CSMD1: variants seen among roughly 807,000 people sequenced by gnomAD.
CSMD1 encodes the protein CUB and sushi domain-containing protein 1.
Under a neutral mutation model 417.5 loss-of-function variants are expected in CSMD1, and 213 were observed. That is an observed-to-expected ratio of 0.51 (90% CI 0.46 to 0.57). The LOEUF is 0.57. CSMD1 is among the 20% of genes least tolerant of loss of function. CSMD1 has a pLI of 0.00. For missense variants in CSMD1, 6,923 were observed against 4,529.7 expected (o/e 1.53, Z -15.17); for synonymous variants, 2,862 against 1,736.8 (o/e 1.65, Z -16.11).
intron 26 of CSMD1, among the ~76,000 whole-genome samples, chr8:3,253,415 CT>C (rs1356758644): frequency 1.3e-5 from 2 of 152,082 alleles, no homozygotes; most frequent in African/African-American, 4.8e-5. Flanking sequence ...AATTTCTGTT[CT>C]TTTACATTTG....
intron 18 of CSMD1, among the ~76,000 whole-genome samples, chr8:3,374,099 T>C (rs1810155675): frequency 6.6e-6 from 1 of 151,986 alleles, no homozygotes; most frequent in East Asian, 1.9e-4. Context: ...ATTACACACA[T>C]GTATCACCAC....
intron 1 of CSMD1, among the ~76,000 whole-genome samples, chr8:4,821,920 G>A (rs747049296): frequency 6.6e-6 from 1 of 152,052 alleles, no homozygotes; most frequent in Non-Finnish European, 1.5e-5. Context: ...TTGCTTGCCT[G>A]CTTCAGGTAT....
At chr8:3,248,165 A>G (rs951222887) in intron 26 of CSMD1, among the ~76,000 whole-genome samples, 2 of 152,132 alleles carry the variant, frequency 1.3e-5, no homozygotes, top group African/African-American at 4.8e-5. Context: ...TAGCGGTGTG[A>G]CAAACAGAAA....
At chr8:3,266,704 G>A (rs563043743) in intron 26 of CSMD1, among the ~76,000 whole-genome samples, 74 of 151,130 alleles carry the variant, frequency 4.9e-4, no homozygotes, top group Non-Finnish European at 9.6e-4. Flanking sequence ...GAACCCAGGA[G>A]GCAGAGTTTG....
intron 37 of CSMD1, among the ~76,000 whole-genome samples, chr8:3,178,923 C>G (rs906817117): frequency 1.3e-5 from 2 of 150,860 alleles, no homozygotes; most frequent in Admixed American, 6.6e-5. Flanking sequence ...GTTAATTCTA[C>G]AAATACTTTC....
intron 2 of CSMD1, among the ~76,000 whole-genome samples, chr8:4,536,200 G>T (rs1477940745): frequency 6.6e-6 from 1 of 151,922 alleles, no homozygotes; most frequent in African/African-American, 2.4e-5. Context: ...AATTTTTAAC[G>T]ATGCTTTTGC....
chr8:4,126,786 C>T (rs983885953), intron 3 of CSMD1, among the ~76,000 whole-genome samples: 2 of 152,196 alleles, frequency 1.3e-5, no homozygotes, highest in African/African-American at 4.8e-5. Context: ...ACAGGCAACA[C>T]TTCATTCTGG....
At chr8:3,371,723 C>G (rs1809961926) in intron 18 of CSMD1, among the ~76,000 whole-genome samples, 1 of 152,094 alleles carries the variant, frequency 6.6e-6, no homozygotes, top group African/African-American at 2.4e-5. Context: ...CTTAAGGGAA[C>G]AAATCATCTC....
intron 3 of CSMD1, among the ~76,000 whole-genome samples, chr8:4,071,915 G>C (rs1054165630): frequency 6.6e-6 from 1 of 152,144 alleles, no homozygotes. Context: ...CATAGCTCAA[G>C]AGTCAAAGTC....
At chr8:3,250,877 G>C (rs1197505885) in intron 26 of CSMD1, among the ~76,000 whole-genome samples, 4 of 152,164 alleles carry the variant, frequency 2.6e-5, no homozygotes, top group East Asian at 1.9e-4. Flanking sequence ...AGAAGTGTCT[G>C]TTCATACCCC....
At chr8:3,438,779 G>C (rs546062718) in intron 12 of CSMD1, among the ~76,000 whole-genome samples, 1 of 152,186 alleles carries the variant, frequency 6.6e-6, no homozygotes, top group South Asian at 2.1e-4. Context: ...ATGATTGGAA[G>C]TGCAATTGTC....
At chr8:4,703,880 G>A (rs774173225) in intron 1 of CSMD1, among the ~76,000 whole-genome samples, 2 of 152,138 alleles carry the variant, frequency 1.3e-5, no homozygotes. Flanking sequence ...CAGGGTTGGG[G>A]GACGGTTTTG....
chr8:3,986,295 T>C lies in CSMD1; in HGVS notation c.818+11608A>G, dbSNP rs990201562. Among the ~76,000 whole-genome samples, 14 of 152,154 alleles carry C rather than the reference T, an allele frequency of 9.2e-5. 1 individual carries two copies. Among genetic ancestry groups the C allele is most frequent in the Admixed American group, 3.3e-4 (5 of 15,272 alleles). On this transcript the variant is annotated intron_variant, in intron 5 of 69. Transcript: ENST00000635120. ...ACATTCTCTCTACAATCCTTCCCTA[T>C]GTTTCTAAAAGCTCAGTGAAAACCC...
At chr8:3,957,928 A>C (rs1047542037) in intron 5 of CSMD1, among the ~76,000 whole-genome samples, 3 of 152,158 alleles carry the variant, frequency 2.0e-5, no homozygotes, top group Admixed American at 6.5e-5. Context: ...TCTACTTCTC[A>C]GGGCAGCAAA....
chr8:3,375,196 C>G (rs17065999), intron 18 of CSMD1: 1 of 152,158 alleles, frequency 6.6e-6, no homozygotes, highest in Non-Finnish European at 1.5e-5. Context: ...CGGGATGTCA[C>G]CTTGGAGTCA....
intron 2 of CSMD1, among the ~76,000 whole-genome samples, chr8:4,464,913 T>A (rs994245194): frequency 6.6e-6 from 1 of 152,132 alleles, no homozygotes. Context: ...GCCTCTCCAT[T>A]GGGGCTGAGC....
chr8:3,263,448 G>C (rs2161749), intron 26 of CSMD1, among the ~76,000 whole-genome samples: 109,618 of 152,034 alleles, frequency 0.72, 40,098 homozygotes, highest in Non-Finnish European at 0.79. Flanking sequence ...ATGTATATAT[G>C]GATACATTGG....
chr8:4,341,855 G>C (rs1289873037), intron 3 of CSMD1, among the ~76,000 whole-genome samples: 1 of 152,024 alleles, frequency 6.6e-6, no homozygotes, highest in Non-Finnish European at 1.5e-5. Flanking sequence ...GCTTCACCCA[G>C]CAGCCACAGC....
intron 1 of CSMD1, among the ~76,000 whole-genome samples, chr8:4,914,298 C>T (rs533224987): frequency 1.3e-5 from 2 of 152,150 alleles, no homozygotes; most frequent in Admixed American, 6.5e-5. Context: ...AAGATAGGGC[C>T]GGGTGCGGTG....
Sources: gnomAD v4.1 joint callset for allele counts (sites outside exome capture counted in the v4.1 genomes callset) on GRCh38, gnomAD v4.1.1 for gene constraint, MANE v1.5 for transcripts, NCBI Gene and HGNC (gene_info 2026-07-23, HGNC 2026-07-21) for gene names.